Variants in RBM19 observed in about 807,000 individuals in gnomAD.
RBM19 encodes RNA binding motif protein 19.
RBM19 carries 94 observed loss-of-function variants against 116.8 expected under a neutral mutation model. The ratio of observed to expected loss-of-function variants is 0.80; its 90% confidence interval spans 0.68 to 0.95. RBM19 has a LOEUF of 0.95. Among genes scored for constraint, RBM19 ranks in the 40% least tolerant of loss-of-function variants. The probability of loss-of-function intolerance (pLI) is 0.00; values close to 1 mark genes in which losing one functional copy is unlikely to be tolerated. For synonymous variants in RBM19, 475 were observed against 494.1 expected (o/e 0.96, Z 0.51); for missense variants, 1,161 against 1,220.7 (o/e 0.95, Z 0.73).
intron 23 of RBM19, among the ~76,000 whole-genome samples, chr12:113,827,770 A>T (rs1363900083): frequency 6.6e-6 from 1 of 151,900 alleles, no homozygotes; most frequent in East Asian, 1.9e-4. Context: ...TGCTAGATGC[A>T]GGGTGCTGGG....
At chr12:113,891,925 C>T (rs544753074) in intron 21 of RBM19, among the ~76,000 whole-genome samples, 6 of 152,206 alleles carry the variant, frequency 3.9e-5, no homozygotes, top group Non-Finnish European at 8.8e-5. Flanking sequence ...AGCCTTTGTT[C>T]CTCCGTCGTG....
At chr12:113,904,317 TGAAA>T (rs1408426302) in intron 21 of RBM19, among the ~76,000 whole-genome samples, 2 of 152,152 alleles carry the variant, frequency 1.3e-5, no homozygotes, top group Non-Finnish European at 2.9e-5. Flanking sequence ...AATGGGCACA[TGAAA>T]GAGTTAAAAA....
chr12:113,828,971 T>C (rs1468539196), intron 23 of RBM19, among the ~76,000 whole-genome samples: 1 of 151,808 alleles, frequency 6.6e-6, no homozygotes, highest in East Asian at 1.9e-4. Flanking sequence ...AATGTCCCTT[T>C]ATTGATACAG....
chr12:113,962,201 G>C, intron 2 of RBM19, 31 bp downstream of exon 2: 1 of 1,607,232 alleles, frequency 6.2e-7, no homozygotes, highest in Non-Finnish European at 8.5e-7. Context: ...CACTTGACAG[G>C]AAGGTAAGGG....
chr12:113,818,417 G>A (rs1375464607), downstream of RBM19, among the ~76,000 whole-genome samples: 1 of 152,096 alleles, frequency 6.6e-6, no homozygotes, highest in Non-Finnish European at 1.5e-5. Context: ...CCTCCTACAG[G>A]CTCCTTCCTG....
chr12:113,886,530 A>G (rs991187013), intron 21 of RBM19, among the ~76,000 whole-genome samples: 1 of 152,240 alleles, frequency 6.6e-6, no homozygotes, highest in Admixed American at 6.5e-5. Flanking sequence ...AAAGTAATGC[A>G]TGAACAGCTG....
At chr12:113,963,003 T>C (rs376969530) in intron 1 of RBM19, among the ~76,000 whole-genome samples, 13 of 152,140 alleles carry the variant, frequency 8.5e-5, no homozygotes, top group South Asian at 2.1e-4. Context: ...AACAGAAAGA[T>C]TGGAAGATGC....
chr12:113,914,309 G>A (rs1197447370), intron 21 of RBM19, among the ~76,000 whole-genome samples: 3 of 152,198 alleles, frequency 2.0e-5, no homozygotes, highest in African/African-American at 4.8e-5. Context: ...TGCCGTTACC[G>A]GCTGGGTCCC....
intron 21 of RBM19, among the ~76,000 whole-genome samples, chr12:113,895,028 T>C (rs1198038958): frequency 2.0e-5 from 3 of 152,230 alleles, no homozygotes; most frequent in African/African-American, 7.2e-5. Context: ...GCCAGGGAAC[T>C]TCACTCATCA....
chr12:113,931,521 C>A (rs915317938), intron 16 of RBM19, among the ~76,000 whole-genome samples: 1 of 152,068 alleles, frequency 6.6e-6, no homozygotes, highest in South Asian at 2.1e-4. Context: ...GCTCTGTTAC[C>A]CCTCACCTCA....
chr12:113,913,286 T>C (rs1237480917), intron 21 of RBM19, among the ~76,000 whole-genome samples: 4 of 152,138 alleles, frequency 2.6e-5, no homozygotes, highest in Non-Finnish European at 5.9e-5. Context: ...AAGCAGAGCA[T>C]GTTTAAACAA....
chr12:113,820,437 G>A (rs547344110), downstream of RBM19, among the ~76,000 whole-genome samples: 2 of 152,136 alleles, frequency 1.3e-5, no homozygotes, highest in South Asian at 4.2e-4. Flanking sequence ...CCCTGGGGTG[G>A]GAGCCTGCAG....
Position 113,902,742 on chromosome 12 carries a change from T to A in RBM19, c.2558+12227A>T, listed in dbSNP as rs550685319. 6.6e-5 allele frequency among the ~76,000 whole-genome samples: 10 copies of A among 152,348 alleles called. No individual in the cohort carries two copies. In the South Asian group the frequency reaches 2.1e-3, roughly 32 times the overall value. ...GAATCAATAGTTTGTCCCTTTTTAC[T>A]GCTGAGCAGCATCCCATGTCTTGAA... On this transcript the variant is annotated intron_variant, in intron 21 of 23. Transcript: ENST00000261741.
In RBM19 at chr12:113,860,644, G is replaced by C. The variant is rs547789871; in HGVS notation, c.2559-1748C>G. Among the ~76,000 whole-genome samples the C allele has an allele frequency of 3.3e-5, 5 of 152,304 alleles. No homozygotes were observed. The South Asian group carries it at 1.0e-3, about 32-fold the overall frequency. On this transcript the variant is annotated intron_variant, in intron 21 of 23. Transcript: ENST00000261741. ...ACTGGGTGAGCTGGTTCCTCTGTCC[G>C]TGCCTTGGCCTCACCTAACTGCACT...
At chr12:113,931,641 C>T (rs1160191759) in intron 16 of RBM19, among the ~76,000 whole-genome samples, 7 of 152,116 alleles carry the variant, frequency 4.6e-5, no homozygotes, top group Admixed American at 2.6e-4. Flanking sequence ...CCGTCACCTC[C>T]GTTCCAAACG....
At chr12:113,951,797 C>T (rs1274033128) in intron 8 of RBM19, among the ~76,000 whole-genome samples, 7 of 152,200 alleles carry the variant, frequency 4.6e-5, no homozygotes, top group Non-Finnish European at 1.0e-4. Context: ...ACTTTCTTCC[C>T]CAGATGTCAG....
chr12:113,851,425 C>T (rs955230714), intron 22 of RBM19, among the ~76,000 whole-genome samples: 14 of 152,172 alleles, frequency 9.2e-5, no homozygotes, highest in African/African-American at 3.4e-4. Flanking sequence ...TTATAGCACC[C>T]CTGGGAGAGG....
intron 23 of RBM19, among the ~76,000 whole-genome samples, chr12:113,830,372 T>C (rs965027116): frequency 1.1e-4 from 16 of 151,982 alleles, no homozygotes; most frequent in Non-Finnish European, 1.9e-4. Flanking sequence ...ATGACTGATG[T>C]TATTAATCTT....
intron 22 of RBM19, among the ~76,000 whole-genome samples, chr12:113,857,167 C>G (rs1489217543): frequency 6.6e-6 from 1 of 152,230 alleles, no homozygotes; most frequent in Non-Finnish European, 1.5e-5. Context: ...ACCCAGAGCT[C>G]AGTGGAATGC....
Sources: gnomAD v4.1 joint callset for allele counts (sites outside exome capture counted in the v4.1 genomes callset) on GRCh38, gnomAD v4.1.1 for gene constraint, MANE v1.5 for transcripts, NCBI Gene and HGNC (gene_info 2026-07-23, HGNC 2026-07-21) for gene names.